Variants in SRRM3 observed in about 807,000 individuals in gnomAD.
The protein encoded by SRRM3 is serine/arginine repetitive matrix 3.
A neutral mutation model predicts 66.2 loss-of-function variants in SRRM3; 27 were observed. The ratio of observed to expected loss-of-function variants is 0.41; its 90% CI spans 0.30 to 0.56. The LOEUF is 0.56. SRRM3 is among the 20% of genes least tolerant of loss of function. The pLI, the probability that SRRM3 is intolerant of heterozygous loss-of-function variation, is 0.32. For synonymous variants in SRRM3, 391 were observed against 414.9 expected (o/e 0.94, Z 0.70); for missense variants, 918 against 991.9 (o/e 0.93, Z 1.00).
Position 76,251,669 on chromosome 7 carries a change from C to T in SRRM3, c.335+3380C>T, listed in dbSNP as rs369773512. Among the ~76,000 whole-genome samples the T allele has an allele frequency of 7.3e-4, 111 of 152,158 alleles. No homozygotes were observed. In the Middle Eastern group the frequency reaches 0.01, roughly 14 times the overall value. ...GATTACAGGCGTGAGCCACCGCGCC[C>T]GGCCCCCAGCAGCACTTTGGAAGGC... On this transcript the variant is annotated intron_variant, in intron 3 of 14. Transcript: ENST00000611745.
At chr7:76,279,898 C>T (rs1706920100) in intron 11 of SRRM3, among the ~76,000 whole-genome samples, 1 of 152,162 alleles carries the variant, frequency 6.6e-6, no homozygotes, top group Non-Finnish European at 1.5e-5. Flanking sequence ...GCGCTGCCAG[C>T]CCTTCCTCCA....
Position 76,235,095 on chromosome 7 carries a change from C to A in SRRM3, c.29C>A (p.Ala10Asp). 1 of 1,585,682 alleles carries A rather than the reference C, an allele frequency of 6.3e-7. No homozygotes were observed. Among genetic ancestry groups the A allele is most frequent in the South Asian group, 1.1e-5 (1 of 87,788 alleles). The stretch of plus-strand genomic sequence containing the variant: ...TCCTCCACCGTGAACAACGGGGCGG[C>A]CAGCATGCAGTCCACACCCGACGCC... The part of the protein sequence containing the change: MSSTVNNGA[A>D]SMQSTPDAAN... Residue 10 changes from alanine (A) to aspartate (D), a missense_variant, in exon 2 of 15, where the codon GCC becomes GAC. Physicochemically the swap from Ala to Asp is moderately radical, Grantham distance 126. Transcript: ENST00000611745.
intron 3 of SRRM3, among the ~76,000 whole-genome samples, chr7:76,258,724 A>AGG (rs1801779273): frequency 7.1e-6 from 1 of 141,766 alleles, no homozygotes; most frequent in East Asian, 2.1e-4. Flanking sequence ...AAAAAAAAAA[A>AGG]AAAAAAAAAG....
chr7:76,271,231 G>A (rs1484222989), intron 11 of SRRM3, among the ~76,000 whole-genome samples: 3 of 152,108 alleles, frequency 2.0e-5, no homozygotes, highest in Non-Finnish European at 4.4e-5. Flanking sequence ...CACTTTGGGA[G>A]GCTGAGGCAG....
intron 7 of SRRM3, 37 bp from the exon 8 acceptor site, chr7:76,261,509 C>G: frequency 6.2e-7 from 1 of 1,608,058 alleles, no homozygotes; most frequent in African/African-American, 1.3e-5. Flanking sequence ...TGGGCCACCC[C>G]AGGCAGGCTC....
rs1380945720 is a variant in SRRM3 at position 76,234,619 on chromosome 7, C to G, written c.-39-409C>G. 2.6e-4 allele frequency among the ~76,000 whole-genome samples: 40 copies of G among 152,028 alleles called. 1 individual carries two copies. The highest frequency in any genetic ancestry group is 2.4e-3 in the Admixed American group (37 of 15,260). Reference sequence around the variant, plus strand: ...GCCAGGATAGTGGGCCTGGTGTGTGCGTAAACAGTTTCAACTGAGCCTAAA... The same window carrying G: ...GCCAGGATAGTGGGCCTGGTGTGTGGGTAAACAGTTTCAACTGAGCCTAAA... On this transcript the variant is annotated intron_variant, in intron 1 of 14. Coordinates refer to ENST00000611745, the MANE Select transcript of SRRM3 (RefSeq NM_001110199.3).
At position 76,235,039 on chromosome 7, in the gene SRRM3, C is replaced by T; in HGVS notation, c.-28C>T. On this transcript the variant is annotated 5_prime_UTR_variant, in exon 2 of 15. Transcript: ENST00000611745. ...TGTCTGTCCCTCAGGGCCAGCGGCC[C>T]AGGCCAGCGGCTCCAGGGCCAGCCA... 1 of 1,534,638 alleles carries T rather than the reference C, an allele frequency of 6.5e-7. No homozygotes were observed. The highest frequency in any genetic ancestry group is 8.7e-7 in the Non-Finnish European group (1 of 1,144,114).
At chr7:76,259,869 TC>T in intron 3 of SRRM3, 36 bp from the exon 4 acceptor site, 2 of 1,598,694 alleles carry the variant, frequency 1.3e-6, no homozygotes, top group Non-Finnish European at 1.7e-6. Context: ...AGAAAAGTCG[TC>T]CCGAGACTGG....
At chr7:76,217,476 A>T (rs1251695215) in intron 1 of SRRM3, among the ~76,000 whole-genome samples, 1 of 152,048 alleles carries the variant, frequency 6.6e-6, no homozygotes, top group Admixed American at 6.6e-5. Flanking sequence ...GTAGAGACTG[A>T]GTTTCCCCAT....
intron 2 of SRRM3, among the ~76,000 whole-genome samples, chr7:76,236,140 G>A (rs1372099803): frequency 6.6e-6 from 1 of 150,958 alleles, no homozygotes; most frequent in African/African-American, 2.4e-5. Flanking sequence ...GAGAAACCCC[G>A]TCTTTACTGA....
chr7:76,208,708 G>T (rs1554601384), intron 1 of SRRM3, among the ~76,000 whole-genome samples: 1 of 151,842 alleles, frequency 6.6e-6, no homozygotes, highest in African/African-American at 2.4e-5. Flanking sequence ...GGTGGAGGGT[G>T]ACTGTAATCC....
chr7:76,286,071 T>A lies in SRRM3; in HGVS notation c.*228T>A. On this transcript the variant is annotated 3_prime_UTR_variant, in exon 15 of 15. Coordinates refer to ENST00000611745, the MANE Select transcript of SRRM3 (RefSeq NM_001110199.3). ...TACGGGTGTCCTCTCCCACCTCCTGTCCACCCACTGTGCCCGGGGAACAAA... is the reference window on the plus strand; with the variant it reads ...TACGGGTGTCCTCTCCCACCTCCTGACCACCCACTGTGCCCGGGGAACAAA... 1.7e-6 allele frequency: 1 copy of A among 585,666 alleles called. No individual in the cohort carries two copies. The highest frequency in any genetic ancestry group is 3.1e-6 in the Non-Finnish European group (1 of 321,532). The allele number at this position is 585,666 out of a possible 1,614,324, so 36.3% of individuals were successfully genotyped here. A position where few individuals can be genotyped will look rare whatever the true frequency, so the allele number is the denominator to read the frequency against.
intron 1 of SRRM3, among the ~76,000 whole-genome samples, chr7:76,214,280 C>G (rs1303864111): frequency 6.6e-6 from 1 of 152,052 alleles, no homozygotes; most frequent in Non-Finnish European, 1.5e-5. Context: ...CTCCCACTCC[C>G]GATCCGACAT....
At chr7:76,272,651 C>T (rs1019142848) in intron 11 of SRRM3, among the ~76,000 whole-genome samples, 4 of 150,270 alleles carry the variant, frequency 2.7e-5, no homozygotes, top group South Asian at 2.1e-4. Flanking sequence ...GACTCCATCT[C>T]AAAAAAAAAC....
At chr7:76,259,828 G>A in intron 3 of SRRM3, 78 bp from the exon 4 acceptor site, 1 of 1,581,318 alleles carries the variant, frequency 6.3e-7, no homozygotes, top group Non-Finnish European at 8.5e-7. Flanking sequence ...GCGGGGCTAG[G>A]TCAGGCCCCC....
At position 76,283,115 on chromosome 7, in the gene SRRM3, TGGG is replaced by T. The variant is rs782274170; in HGVS notation, c.1733+19_1733+21del. ...GCGCATCACCAGGTATGGAGGGTCTTGGGGGGGCCGGTGGCGCAGGGCTGGGGC... is the reference window on the plus strand; with the variant it reads ...GCGCATCACCAGGTATGGAGGGTCTTGGGGCCGGTGGCGCAGGGCTGGGGC... On this transcript the variant is annotated intron_variant, in intron 14 of 14. Coordinates refer to ENST00000611745, the MANE Select transcript of SRRM3 (RefSeq NM_001110199.3). 2.1e-6 allele frequency: 3 copies of T among 1,409,044 alleles called. No homozygotes were observed. The highest frequency in any genetic ancestry group is 3.0e-5 in the African/African-American group (2 of 66,696). The allele number at this position is 1,409,044 out of a possible 1,614,324, so 87.3% of individuals were successfully genotyped here. A position where few individuals can be genotyped will look rare whatever the true frequency, so the allele number is the denominator to read the frequency against.
At chr7:76,213,370 C>T (rs1023749545) in intron 1 of SRRM3, among the ~76,000 whole-genome samples, 12 of 152,060 alleles carry the variant, frequency 7.9e-5, no homozygotes, top group African/African-American at 1.2e-4. Flanking sequence ...TTCTGTGTGC[C>T]GGCACTGCTG....
intron 2 of SRRM3, among the ~76,000 whole-genome samples, chr7:76,243,360 G>C (rs1414707487): frequency 1.3e-5 from 2 of 152,100 alleles, no homozygotes; most frequent in African/African-American, 4.8e-5. Flanking sequence ...ACTCAGAGGT[G>C]GTGGTCACAT....
chr7:76,271,170 T>C (rs192856486), intron 11 of SRRM3, among the ~76,000 whole-genome samples: 4 of 150,164 alleles, frequency 2.7e-5, no homozygotes, highest in Non-Finnish European at 5.9e-5. Flanking sequence ...TAGAGGTAGA[T>C]CCAAAAGTAG....
Sources: allele counts gnomAD v4.1 joint callset (sites outside exome capture counted in the v4.1 genomes callset), GRCh38; gene constraint gnomAD v4.1.1; transcripts MANE v1.5; gene names NCBI Gene and HGNC (gene_info 2026-07-23, HGNC 2026-07-21).